The following DYM variants were observed in gnomAD, a reference collection of about 807,000 sequenced individuals.
DYM encodes the protein dyggve-Melchior-Clausen syndrome protein.
DYM carries 78 observed loss-of-function variants against 93.1 expected under a neutral mutation model. That is an observed-to-expected ratio of 0.84 (90% confidence interval 0.70 to 1.01). The LOEUF (loss-of-function observed/expected upper bound fraction) is 1.01. Ranked by LOEUF, DYM falls within the 50% of genes least tolerant of loss-of-function variation. The pLI is 0.00. For synonymous variants in DYM, 321 were observed against 319.7 expected (o/e 1.00, Z -0.04); for missense variants, 789 against 845.0 (o/e 0.93, Z 0.82).
chr18:49,225,697 T>G (rs1403661024), intron 13 of DYM, among the ~76,000 whole-genome samples: 1 of 152,122 alleles, frequency 6.6e-6, no homozygotes, highest in Non-Finnish European at 1.5e-5. Context: ...ATACCATCAC[T>G]GGTACTTGAG....
intron 2 of DYM, chr18:49,413,117 G>T (rs1168287620): frequency 6.6e-6 from 1 of 152,226 alleles, no homozygotes; most frequent in Non-Finnish European, 1.5e-5. Context: ...CAGCTCTTTA[G>T]TACTTACATG....
chr18:49,182,277 G>T (rs1449614844), intron 14 of DYM, among the ~76,000 whole-genome samples: 1 of 152,102 alleles, frequency 6.6e-6, no homozygotes, highest in East Asian at 1.9e-4. Context: ...AGCTGTTATT[G>T]GTTGGAGTGT....
At chr18:49,079,314 T>C (rs1352939691) in intron 17 of DYM, among the ~76,000 whole-genome samples, 1 of 152,254 alleles carries the variant, frequency 6.6e-6, no homozygotes, top group East Asian at 1.9e-4. Context: ...AGAAAATGTG[T>C]TCCATTTTCT....
At chr18:49,163,231 T>C (rs1360030269) in intron 15 of DYM, among the ~76,000 whole-genome samples, 1 of 152,188 alleles carries the variant, frequency 6.6e-6, no homozygotes, top group Non-Finnish European at 1.5e-5. Flanking sequence ...ATTTGAGACA[T>C]CATTCTTCTA....
At chr18:49,055,483 G>T (rs994092163) in intron 17 of DYM, among the ~76,000 whole-genome samples, 3 of 152,224 alleles carry the variant, frequency 2.0e-5, no homozygotes, top group African/African-American at 7.2e-5. Flanking sequence ...GGGAGAAGGA[G>T]AATATTTTGA....
At chr18:49,152,778 A>G (rs1265240156) in intron 15 of DYM, among the ~76,000 whole-genome samples, 1 of 152,234 alleles carries the variant, frequency 6.6e-6, no homozygotes, top group Non-Finnish European at 1.5e-5. Context: ...CCACAATGGA[A>G]TATCATTTAG....
At chr18:49,051,916 C>A (rs570418861) in intron 17 of DYM, among the ~76,000 whole-genome samples, 1 of 152,368 alleles carries the variant, frequency 6.6e-6, no homozygotes, top group South Asian at 2.1e-4. Context: ...ATTGGAAAAC[C>A]TGAACATGCA....
chr18:49,429,417 T>C (rs1276675456), intron 2 of DYM, among the ~76,000 whole-genome samples: 1 of 152,244 alleles, frequency 6.6e-6, no homozygotes, highest in African/African-American at 2.4e-5. Flanking sequence ...ATAAAAAATT[T>C]TTAAATCTAG....
intron 2 of DYM, among the ~76,000 whole-genome samples, chr18:49,420,173 T>G (rs918172909): frequency 8.0e-5 from 12 of 150,206 alleles, no homozygotes; most frequent in South Asian, 2.1e-4. Context: ...TCGTTTTTTT[T>G]TTTTTTTTTT....
At chr18:49,286,236 C>A (rs1347505045) in intron 9 of DYM, among the ~76,000 whole-genome samples, 198 bp downstream of exon 9, 3 of 152,038 alleles carry the variant, frequency 2.0e-5, no homozygotes. Flanking sequence ...TGGATTTAAA[C>A]AGATATAAAG....
chr18:49,268,462 T>C (rs2094609086), intron 11 of DYM, among the ~76,000 whole-genome samples: 1 of 152,218 alleles, frequency 6.6e-6, no homozygotes, highest in South Asian at 2.1e-4. Flanking sequence ...TCAGCGAAGT[T>C]TAATTTTAAT....
chr18:49,064,126 G>A (rs1279035025), intron 17 of DYM, among the ~76,000 whole-genome samples: 1 of 152,112 alleles, frequency 6.6e-6, no homozygotes, highest in Non-Finnish European at 1.5e-5. Context: ...TATATACTGA[G>A]AGTTTACAAT....
chr18:49,101,932 G>T (rs1046608116), intron 16 of DYM, among the ~76,000 whole-genome samples: 1 of 152,150 alleles, frequency 6.6e-6, no homozygotes, highest in Non-Finnish European at 1.5e-5. Flanking sequence ...ACTCAAAGAA[G>T]GCTTACATTT....
rs1275829684 is a variant in DYM at position 49,332,006 on chromosome 18, A to G, written c.621T>C (p.Cys207=). 2 of 1,613,404 alleles carry G rather than the reference A, an allele frequency of 1.2e-6. No individual in the cohort carries two copies. The highest frequency in any genetic ancestry group is 2.7e-5 in the African/African-American group (2 of 75,014). Residue 207 remains cysteine, a splice_region_variant and synonymous_variant, in exon 8 of 18, where the codon TGT becomes TGC. Coordinates refer to ENST00000675505, the MANE Select transcript of DYM (RefSeq NM_001353214.3). ...ISHKYLMRGP[C]LPYTSKLVKT... is the part of the protein sequence containing the mutation. The stretch of plus-strand genomic sequence containing the variant: ...TCACAAGTTTGCTGGTGTATGGAAG[A>G]CTATACAAAAAGGAAAAAAAAATCA...
intron 14 of DYM, among the ~76,000 whole-genome samples, chr18:49,181,491 T>C (rs1473468545): frequency 2.0e-5 from 3 of 152,182 alleles, no homozygotes; most frequent in Non-Finnish European, 4.4e-5. Context: ...GAAGTGTTTT[T>C]AATTTTGAAT....
intron 1 of DYM, among the ~76,000 whole-genome samples, chr18:49,449,598 C>A (rs2082360869): frequency 1.3e-5 from 2 of 152,066 alleles, no homozygotes; most frequent in Non-Finnish European, 2.9e-5. Context: ...AACCCAGAAG[C>A]CTGACATGCT....
At chr18:49,432,229 G>A (rs1157536149) in intron 1 of DYM, among the ~76,000 whole-genome samples, 1 of 151,198 alleles carries the variant, frequency 6.6e-6, no homozygotes, top group Non-Finnish European at 1.5e-5. Flanking sequence ...TACTAGGGAG[G>A]CTGAGACAGG....
chr18:49,077,865 G>A (rs1451181404), intron 17 of DYM, among the ~76,000 whole-genome samples: 2 of 151,778 alleles, frequency 1.3e-5, no homozygotes, highest in Non-Finnish European at 1.5e-5. Flanking sequence ...TTTGCAGACA[G>A]TATATAGTTG....
In DYM at chr18:49,300,670, C is replaced by T. The variant is rs115583599; in HGVS notation, c.764-14054G>A. Reference sequence around the variant, plus strand: ...CTTATATTGCAAAAACTCAAGTGAACTTGAGTTCTACTTGTGAAGCAGTAA... The same window carrying T: ...CTTATATTGCAAAAACTCAAGTGAATTTGAGTTCTACTTGTGAAGCAGTAA... On this transcript the variant is annotated intron_variant, in intron 8 of 17. Coordinates refer to ENST00000675505, the MANE Select transcript of DYM (RefSeq NM_001353214.3). 7.3e-3 allele frequency among the ~76,000 whole-genome samples: 1,108 copies of T among 151,764 alleles called. 19 individuals are homozygous for T. Among genetic ancestry groups the T allele is most frequent in the African/African-American group, 0.026 (1,062 of 41,368 alleles).
Sources: allele counts gnomAD v4.1 joint callset (sites outside exome capture counted in the v4.1 genomes callset), GRCh38; gene constraint gnomAD v4.1.1; transcripts MANE v1.5; gene names NCBI Gene and HGNC (gene_info 2026-07-23, HGNC 2026-07-21).